Variants in UBA2 observed in about 807,000 individuals in gnomAD.
The protein encoded by UBA2 is ubiquitin like modifier activating enzyme 2, also known as SUMO-activating enzyme subunit 2.
UBA2 carries 11 observed loss-of-function variants against 77.2 expected under a neutral mutation model. That is an observed-to-expected ratio of 0.14 (90% CI 0.09 to 0.24). UBA2 has a LOEUF of 0.24. Among genes scored for constraint, UBA2 ranks in the 10% least tolerant of loss-of-function variants. UBA2 has a pLI of 1.00. For synonymous variants in UBA2, 278 were observed against 276.7 expected, an observed-to-expected ratio of 1.00 and a Z score of -0.05; for missense variants, 487 against 781.7, an observed-to-expected ratio of 0.62 and a Z score of 4.50.
At position 34,469,078 on chromosome 19, in the gene UBA2, G is replaced by A. The variant is rs750246887; in HGVS notation, c.1780G>A (p.Glu594Lys). 4 of 1,610,144 alleles carry A rather than the reference G, an allele frequency of 2.5e-6. No individual in the cohort carries two copies. Among genetic ancestry groups the A allele is most frequent in the Non-Finnish European group, 3.4e-6 (4 of 1,178,986 alleles). The change falls in exon 17 of 17, where the codon GAA becomes AAA. Residue 594 changes from glutamate to lysine, a missense_variant. By Grantham distance (56) the Glu-to-Lys change is moderately conservative. Transcript: ENST00000246548. Reference protein sequence around the residue: ...QDDVLIVDSDEEDSSNNADVS... With the variant: ...QDDVLIVDSDKEDSSNNADVS... ...TGACGTTCTCATAGTTGATTCAGAT[G>A]AAGAAGATTCTTCAAATAATGCCGA...
At chr19:34,449,065 C>CTTTTTTTTTT (rs11332668) in intron 8 of UBA2, among the ~76,000 whole-genome samples, 2 of 73,818 alleles carry the variant, frequency 2.7e-5, no homozygotes, top group African/African-American at 1.1e-4. Flanking sequence ...AAATATAAAT[C>CTTTTTTTTTT]TTTTTTTTTT....
intron 5 of UBA2, among the ~76,000 whole-genome samples, chr19:34,437,802 C>G (rs1469181247): frequency 1.3e-5 from 2 of 152,072 alleles, no homozygotes; most frequent in African/African-American, 4.8e-5. Context: ...GCCTGTAATC[C>G]CAGCACTTTT....
intron 13 of UBA2, among the ~76,000 whole-genome samples, chr19:34,459,939 C>T (rs563720444): frequency 6.6e-6 from 1 of 152,314 alleles, no homozygotes; most frequent in East Asian, 1.9e-4. Context: ...TCTCCTGATT[C>T]TTGAGCTTCA....
At chr19:34,455,980 T>C (rs1272229895) in intron 12 of UBA2, among the ~76,000 whole-genome samples, 1 of 151,854 alleles carries the variant, frequency 6.6e-6, no homozygotes, top group African/African-American at 2.4e-5. Context: ...TCTTGCTATG[T>C]TGTCCGGGTT....
intron 1 of UBA2, among the ~76,000 whole-genome samples, chr19:34,429,447 C>T (rs1288352331): frequency 6.6e-6 from 1 of 152,170 alleles, no homozygotes; most frequent in East Asian, 1.9e-4. Flanking sequence ...TGTTTCTTTC[C>T]TTTATGTATT....
At chr19:34,428,765 T>A (rs895647199) in intron 1 of UBA2, 195 bp downstream of exon 1, 1 of 1,134,012 alleles carries the variant, frequency 8.8e-7, no homozygotes, top group African/African-American at 1.6e-5. Context: ...GGGGCGGGCC[T>A]CCGCTCGCTG....
chr19:34,450,145 GTA>G, intron 8 of UBA2, 118 bp from the exon 9 acceptor site: 1 of 653,482 alleles, frequency 1.5e-6, no homozygotes, highest in Non-Finnish European at 2.6e-6. Context: ...TATGCTGCTG[GTA>G]TATGACATGT....
chr19:34,436,760 G>C (rs746874318), intron 5 of UBA2, among the ~76,000 whole-genome samples: 26 of 152,104 alleles, frequency 1.7e-4, no homozygotes, highest in Non-Finnish European at 2.6e-4. Flanking sequence ...ACATTTGCTG[G>C]TTGCGTCTAA....
rs2075292355 is a variant in UBA2, at chr19:34,434,853, TTG to T, written c.359-13_359-12del. 6.3e-7 allele frequency: 1 copy of T among 1,584,030 alleles called. No homozygotes were observed. The highest frequency in any genetic ancestry group is 8.6e-7 in the Non-Finnish European group (1 of 1,161,078). The stretch of plus-strand genomic sequence containing the variant: ...TTTTTTTCCCAAAAACTCATACTGT[TTG>T]TTTTACTTCCAGCTGCCCGAAACCA... On this transcript the variant is annotated splice_polypyrimidine_tract_variant and intron_variant, in intron 4 of 16. Transcript: ENST00000246548.
intron 1 of UBA2, 151 bp from the exon 2 acceptor site, chr19:34,430,425 A>G: frequency 2.1e-6 from 1 of 469,758 alleles, no homozygotes; most frequent in South Asian, 4.9e-5. Flanking sequence ...ATTCTTTATC[A>G]GTTTAACAAT....
At chr19:34,460,595 C>A (rs764451159) in intron 14 of UBA2, 29 bp downstream of exon 14, 1 of 1,492,174 alleles carries the variant, frequency 6.7e-7, no homozygotes, top group Non-Finnish European at 9.2e-7. Flanking sequence ...ATTCATTCCT[C>A]TCATTGAGGA....
At chr19:34,439,206 CAAAAAA>C (rs34519506) in intron 6 of UBA2, among the ~76,000 whole-genome samples, 6 of 87,102 alleles carry the variant, frequency 6.9e-5, no homozygotes, top group African/African-American at 1.0e-4. Context: ...GAATTTGTCT[CAAAAAA>C]AAAAAAAAAA....
chr19:34,459,228 AT>A (rs1172508490), intron 13 of UBA2, among the ~76,000 whole-genome samples: 1 of 152,108 alleles, frequency 6.6e-6, no homozygotes, highest in Non-Finnish European at 1.5e-5. Context: ...TAAATTCTGT[AT>A]TTTTTGACAA....
chr19:34,444,273 G>A (rs978827022), intron 7 of UBA2, among the ~76,000 whole-genome samples: 2 of 151,908 alleles, frequency 1.3e-5, no homozygotes, highest in African/African-American at 4.8e-5. Flanking sequence ...AGCCAGGCTG[G>A]TCTCGAACTC....
At chr19:34,447,458 T>C (rs1599910233) in intron 8 of UBA2, among the ~76,000 whole-genome samples, 1 of 152,258 alleles carries the variant, frequency 6.6e-6, no homozygotes, top group South Asian at 2.1e-4. Flanking sequence ...AACTTCGATA[T>C]GGTCAACAGC....
intron 9 of UBA2, 41 bp downstream of exon 9, chr19:34,450,405 A>G: frequency 7.1e-7 from 1 of 1,418,272 alleles, no homozygotes; most frequent in Non-Finnish European, 9.7e-7. Flanking sequence ...TAAGCTGGAA[A>G]TATCCTCGCG....
At chr19:34,464,156 G>A in intron 15 of UBA2, 25 bp downstream of exon 15, 1 of 1,430,026 alleles carries the variant, frequency 7.0e-7, no homozygotes, top group African/African-American at 1.4e-5. Context: ...TATTTTAATT[G>A]TAAGAAATTA....
chr19:34,437,216 C>A (rs1202150894), intron 5 of UBA2, among the ~76,000 whole-genome samples: 2 of 150,730 alleles, frequency 1.3e-5, no homozygotes, highest in Non-Finnish European at 3.0e-5. Context: ...CCTGCCTTGG[C>A]CTCCCAAAGT....
chr19:34,433,367 T>A lies in UBA2; in HGVS notation c.313T>A (p.Phe105Ile), dbSNP rs1456399277. Residue 105 changes from phenylalanine to isoleucine, a missense_variant, in exon 4 of 17, where the codon TTT becomes ATT. Phe to Ile is a conservative substitution (Grantham distance 21). Coordinates refer to ENST00000246548, the MANE Select transcript of UBA2 (RefSeq NM_005499.3). Reference sequence around the variant, plus strand: ...TTGTAGCCCTGACTATAATGTGGAATTTTTCCGACAGTTTATACTGGTTAT... The same window carrying A: ...TTGTAGCCCTGACTATAATGTGGAAATTTTCCGACAGTTTATACTGGTTAT... ...SIMNPDYNVEFFRQFILVMNA... is the reference protein window; with the variant it reads ...SIMNPDYNVEIFRQFILVMNA... 1 of 1,612,112 alleles carries A rather than the reference T, an allele frequency of 6.2e-7. No homozygotes were observed. Among genetic ancestry groups the A allele is most frequent in the Non-Finnish European group, 8.5e-7 (1 of 1,178,914 alleles).
Sources: allele counts gnomAD v4.1 joint callset (sites outside exome capture counted in the v4.1 genomes callset), GRCh38; gene constraint gnomAD v4.1.1; transcripts MANE v1.5; gene names NCBI Gene and HGNC (gene_info 2026-07-23, HGNC 2026-07-21).